The following VWA2 variants were observed in gnomAD, a reference collection of about 807,000 sequenced individuals.
VWA2 encodes von Willebrand factor A domain-containing protein 2.
Under a neutral mutation model 70.4 loss-of-function variants are expected in VWA2, and 73 were observed. The ratio of observed to expected loss-of-function variants is 1.04; its 90% CI spans 0.86 to 1.26. The LOEUF is 1.26. VWA2 is among the 50% of genes most tolerant of loss of function. The pLI is 0.00. For synonymous variants in VWA2, 407 were observed against 423.3 expected, an observed-to-expected ratio of 0.96 and a Z score of 0.47; for missense variants, 1,011 against 998.5, an observed-to-expected ratio of 1.01 and a Z score of -0.17.
At position 114,291,302 on chromosome 10, in the gene VWA2, G is replaced by A; in HGVS notation, c.*65G>A. On this transcript the variant is annotated 3_prime_UTR_variant, in exon 14 of 14. Coordinates refer to ENST00000392982, the MANE Select transcript of VWA2 (RefSeq NM_001272046.2). ...CTCCCAGCAACTACAGAGAAGGCCT[G>A]GGCACTGAAATGGTGCCTACCTTCT... 6.6e-7 allele frequency: 1 copy of A among 1,508,540 alleles called. No individual in the cohort carries two copies. The highest frequency in any genetic ancestry group is 8.9e-7 in the Non-Finnish European group (1 of 1,124,716). 93.4% of individuals were successfully genotyped at this position (1,508,540 alleles called of 1,614,324 possible).
chr10:114,278,053 A>G lies in VWA2; in HGVS notation c.700+6A>G. 1 of 1,608,020 alleles carries G rather than the reference A, an allele frequency of 6.2e-7. No individual in the cohort carries two copies. Among genetic ancestry groups the G allele is most frequent in the Non-Finnish European group, 8.5e-7 (1 of 1,175,498 alleles). Reference sequence around the variant, plus strand: ...CTGCTCCAGCGCCACGCCAGGTAAGATCTTCCAGCCTGGAGGGAGTGGAAG... The same window carrying G: ...CTGCTCCAGCGCCACGCCAGGTAAGGTCTTCCAGCCTGGAGGGAGTGGAAG... On this transcript the variant is annotated splice_donor_region_variant and intron_variant, in intron 7 of 13. Coordinates refer to ENST00000392982, the MANE Select transcript of VWA2 (RefSeq NM_001272046.2).
chr10:114,258,511 C>A lies in VWA2; in HGVS notation c.262-2675C>A, dbSNP rs183335345. Among the ~76,000 whole-genome samples the A allele has an allele frequency of 3.2e-3, 480 of 152,286 alleles. 3 individuals are homozygous for A. Among genetic ancestry groups the A allele is most frequent in the Non-Finnish European group, 4.6e-3 (316 of 68,030 alleles). ...GAAGATAAAAGGCAACTATTTTGTT[C>A]CCAAACCACCAATTAAACAAAATGC... On this transcript the variant is annotated intron_variant, in intron 4 of 13. Transcript: ENST00000392982.
At chr10:114,269,272 G>T (rs926480283) in intron 5 of VWA2, among the ~76,000 whole-genome samples, 4 of 152,090 alleles carry the variant, frequency 2.6e-5, no homozygotes, top group Non-Finnish European at 5.9e-5. Context: ...GAAGAGAGAG[G>T]CCCAGACCCA....
chr10:114,276,573 AC>A (rs1366779520), intron 6 of VWA2, among the ~76,000 whole-genome samples: 1 of 152,104 alleles, frequency 6.6e-6, no homozygotes, highest in Non-Finnish European at 1.5e-5. Context: ...ATCATGGCTA[AC>A]TGCAGCCCTG....
At chr10:114,290,462 T>C in intron 13 of VWA2, 97 bp downstream of exon 13, 3 of 1,482,868 alleles carry the variant, frequency 2.0e-6, no homozygotes, top group African/African-American at 1.4e-5. Context: ...TCTAAAACAT[T>C]CGTTCAGTGG....
intron 8 of VWA2, among the ~76,000 whole-genome samples, chr10:114,281,518 G>A (rs1010462): frequency 0.66 from 99,995 of 152,206 alleles, 38,658 homozygotes; most frequent in Non-Finnish European, 0.84. Flanking sequence ...GGTAGCTGTG[G>A]TTCATGGAAC....
intron 5 of VWA2, among the ~76,000 whole-genome samples, chr10:114,264,255 A>G (rs1484992641): frequency 3.3e-5 from 5 of 152,376 alleles, no homozygotes; most frequent in Non-Finnish European, 5.9e-5. Context: ...ATATCCAACT[A>G]ATGCATGTAT....
intron 12 of VWA2, 27 bp downstream of exon 12, chr10:114,289,516 G>C (rs768651423): frequency 5.6e-6 from 9 of 1,611,656 alleles, no homozygotes; most frequent in South Asian, 3.3e-5. Context: ...ACACCCTCAG[G>C]GCTGCCCCCA....
intron 9 of VWA2, 128 bp downstream of exon 9, chr10:114,282,699 C>A: frequency 1.3e-6 from 1 of 749,122 alleles, no homozygotes; most frequent in Non-Finnish European, 2.4e-6. Context: ...AGGGATGGGG[C>A]ACTTGGGGGG....
At position 114,286,112 on chromosome 10, in the gene VWA2, C is replaced by T; in HGVS notation, c.1171C>T (p.Leu391=). 6.2e-7 allele frequency: 1 copy of T among 1,614,130 alleles called. No individual in the cohort carries two copies. The highest frequency in any genetic ancestry group is 8.5e-7 in the Non-Finnish European group (1 of 1,180,026). The change falls in exon 11 of 14, where the codon CTG becomes TTG. Residue 391 remains leucine, a synonymous_variant. Transcript: ENST00000392982. The part of the protein sequence containing the change: ...RVGVATYSRE[L]LVAVPVGEYQ... ...GGGTGTGGCCACATACAGCAGGGAG[C>T]TGCTGGTGGCGGTGCCTGTGGGGGA...
chr10:114,247,624 T>A (rs1004734615), intron 1 of VWA2, among the ~76,000 whole-genome samples: 1 of 151,678 alleles, frequency 6.6e-6, no homozygotes, highest in Non-Finnish European at 1.5e-5. Flanking sequence ...ACTGGAGTCA[T>A]GGCATGTGTG....
chr10:114,266,421 C>A (rs920916659), intron 5 of VWA2, among the ~76,000 whole-genome samples: 1 of 152,108 alleles, frequency 6.6e-6, no homozygotes, highest in Non-Finnish European at 1.5e-5. Context: ...GGGTATCCAT[C>A]CCCTCGAGTG....
chr10:114,244,237 T>A (rs1013968650), intron 1 of VWA2, among the ~76,000 whole-genome samples: 3 of 152,192 alleles, frequency 2.0e-5, no homozygotes, highest in African/African-American at 7.2e-5. Context: ...GCAGATTTTT[T>A]AAATTATGCT....
chr10:114,244,243 A>T (rs1419445930), intron 1 of VWA2, among the ~76,000 whole-genome samples: 1 of 152,158 alleles, frequency 6.6e-6, no homozygotes, highest in East Asian at 1.9e-4. Flanking sequence ...TTTTTAAATT[A>T]TGCTTCTGTG....
rs2039594665 is a variant in VWA2 at position 114,291,485 on chromosome 10, G to T, written c.*248G>T. 1 of 510,184 alleles carries T rather than the reference G, an allele frequency of 2.0e-6. No homozygotes were observed. Among genetic ancestry groups the T allele is most frequent in the Non-Finnish European group, 3.4e-6 (1 of 291,118 alleles). The allele number at this position is 510,184 out of a possible 1,614,324, so 31.6% of individuals were successfully genotyped here. ...ACAAACGATGTTGTTGAAAAGTTTT[G>T]ATGTGTAAGTAAATACCCACTTTCT... On this transcript the variant is annotated 3_prime_UTR_variant, in exon 14 of 14. Transcript: ENST00000392982.
chr10:114,262,137 G>A (rs905050225), intron 5 of VWA2, among the ~76,000 whole-genome samples: 2 of 152,102 alleles, frequency 1.3e-5, no homozygotes, highest in Non-Finnish European at 2.9e-5. Context: ...CTGGATTACA[G>A]TTCAACATGA....
intron 1 of VWA2, among the ~76,000 whole-genome samples, chr10:114,242,135 C>T (rs908395684): frequency 6.6e-6 from 1 of 152,136 alleles, no homozygotes; most frequent in Non-Finnish European, 1.5e-5. Flanking sequence ...TACCCTCGGT[C>T]CTCCCCTTCC....
intron 5 of VWA2, among the ~76,000 whole-genome samples, chr10:114,267,623 G>A (rs1052849392): frequency 6.9e-6 from 1 of 145,668 alleles, no homozygotes; most frequent in Non-Finnish European, 1.5e-5. Context: ...TGTATTTTTA[G>A]TAGAGATGAG....
intron 9 of VWA2, among the ~76,000 whole-genome samples, chr10:114,283,431 A>G (rs1463357564): frequency 6.6e-6 from 1 of 152,156 alleles, no homozygotes; most frequent in Non-Finnish European, 1.5e-5. Flanking sequence ...ATTTGGGGTT[A>G]GGTGATCCCT....
Sources: gnomAD v4.1 joint callset for allele counts (sites outside exome capture counted in the v4.1 genomes callset) on GRCh38, gnomAD v4.1.1 for gene constraint, MANE v1.5 for transcripts, NCBI Gene and HGNC (gene_info 2026-07-23, HGNC 2026-07-21) for gene names.